The following RSBN1 variants were observed in gnomAD, a reference collection of about 807,000 sequenced individuals.
RSBN1 encodes round spermatid basic protein 1.
Under a neutral mutation model 74.8 loss-of-function variants are expected in RSBN1, and 23 were observed. That is an observed-to-expected ratio of 0.31 (90% CI 0.22 to 0.44). RSBN1 has a LOEUF of 0.44. Among genes scored for constraint, RSBN1 ranks in the 20% least tolerant of loss-of-function variants. RSBN1 has a pLI of 1.00. For missense variants in RSBN1, 808 were observed against 1,020.9 expected (o/e 0.79, Z 2.84); for synonymous variants, 407 against 379.6 (o/e 1.07, Z -0.84).
chr1:113,769,856 G>T (rs1364097780), intron 4 of RSBN1, among the ~76,000 whole-genome samples: 1 of 152,092 alleles, frequency 6.6e-6, no homozygotes, highest in Admixed American at 6.6e-5. Flanking sequence ...TGAGAAAAGG[G>T]GAATTAAAGT....
chr1:113,795,732 T>C (rs1234111411), intron 2 of RSBN1, among the ~76,000 whole-genome samples: 1 of 152,240 alleles, frequency 6.6e-6, no homozygotes, highest in Non-Finnish European at 1.5e-5. Context: ...CAGCTCCATT[T>C]TAAAAAATTA....
chr1:113,788,288 A>G (rs12094790), intron 2 of RSBN1, among the ~76,000 whole-genome samples: 1,727 of 152,216 alleles, frequency 0.011, 35 homozygotes, highest in African/African-American at 0.039. Context: ...ATAACTGAGA[A>G]AGAAAATTAA....
intron 2 of RSBN1, among the ~76,000 whole-genome samples, chr1:113,780,331 C>CT (rs1557997661): frequency 6.6e-6 from 1 of 152,190 alleles, no homozygotes; most frequent in Non-Finnish European, 1.5e-5. Context: ...ATTCATACTA[C>CT]TTTAAATTTT....
At chr1:113,805,914 G>A (rs1047907922) in intron 1 of RSBN1, among the ~76,000 whole-genome samples, 2 of 152,184 alleles carry the variant, frequency 1.3e-5, no homozygotes, top group Admixed American at 6.5e-5. Context: ...TTCTGCTACT[G>A]TAGTGCAAAA....
At chr1:113,771,314 T>C (rs1175184734) in intron 4 of RSBN1, among the ~76,000 whole-genome samples, 1 of 152,066 alleles carries the variant, frequency 6.6e-6, no homozygotes, top group Non-Finnish European at 1.5e-5. Context: ...TTCAGACATA[T>C]AATAACTCAG....
In RSBN1 at chr1:113,791,706, A is replaced by G. The variant is rs1660366982; in HGVS notation, c.1377+5657T>C. 2.0e-5 allele frequency among the ~76,000 whole-genome samples: 3 copies of G among 152,166 alleles called. No homozygotes were observed. The South Asian group carries it at 6.2e-4, about 32-fold the overall frequency. On this transcript the variant is annotated intron_variant, in intron 2 of 6. Coordinates refer to ENST00000261441, the MANE Select transcript of RSBN1 (RefSeq NM_018364.5). ...GACTGGGTCAAAGTGAGTACTTAAA[A>G]TAAGAGGAAAAAAAAAAGAATCAAG...
intron 4 of RSBN1, among the ~76,000 whole-genome samples, chr1:113,773,582 T>G (rs1659922043): frequency 6.6e-6 from 1 of 152,194 alleles, no homozygotes; most frequent in Admixed American, 6.5e-5. Flanking sequence ...TCAATATAGT[T>G]TAAAATGTTA....
intron 1 of RSBN1, among the ~76,000 whole-genome samples, chr1:113,803,464 T>C (rs1010940710): frequency 1.3e-5 from 2 of 152,222 alleles, no homozygotes; most frequent in Non-Finnish European, 2.9e-5. Context: ...CCAACAATAA[T>C]GAATGAGATA....
chr1:113,777,850 C>T (rs1660061158), intron 2 of RSBN1, 42 bp from the exon 3 acceptor site: 2 of 1,468,688 alleles, frequency 1.4e-6, no homozygotes, highest in Admixed American at 2.3e-5. Flanking sequence ...TGAGGTACAA[C>T]TATAATATAA....
intron 1 of RSBN1, among the ~76,000 whole-genome samples, chr1:113,799,331 T>C (rs1396429304): frequency 6.6e-6 from 1 of 152,074 alleles, no homozygotes; most frequent in Non-Finnish European, 1.5e-5. Context: ...GTGTGACCCA[T>C]GGTGCCTGGC....
At chr1:113,771,205 C>T (rs1659879665) in intron 4 of RSBN1, among the ~76,000 whole-genome samples, 1 of 152,032 alleles carries the variant, frequency 6.6e-6, no homozygotes, top group Non-Finnish European at 1.5e-5. Context: ...ATATTAGATG[C>T]CAGAAGACAA....
intron 1 of RSBN1, among the ~76,000 whole-genome samples, chr1:113,811,084 G>C (rs765444404): frequency 3.3e-5 from 5 of 152,132 alleles, no homozygotes; most frequent in Non-Finnish European, 5.9e-5. Context: ...GGCACTGTTG[G>C]TCCTATTTCC....
At chr1:113,806,060 T>C (rs1273019851) in intron 1 of RSBN1, among the ~76,000 whole-genome samples, 1 of 152,202 alleles carries the variant, frequency 6.6e-6, no homozygotes, top group Non-Finnish European at 1.5e-5. Context: ...AAAACCATTG[T>C]TAGGCCAGGC....
intron 1 of RSBN1, among the ~76,000 whole-genome samples, chr1:113,801,081 G>A (rs1462417510): frequency 6.6e-6 from 1 of 151,690 alleles, no homozygotes. Context: ...CCAGGTTCCA[G>A]AGAGTCTCCT....
At chr1:113,810,048 G>T (rs972525840) in intron 1 of RSBN1, among the ~76,000 whole-genome samples, 4 of 152,022 alleles carry the variant, frequency 2.6e-5, no homozygotes, top group Non-Finnish European at 4.4e-5. Context: ...CATAAAACGG[G>T]GCCAGGTCAG....
chr1:113,767,059 C>G (rs1305753312), intron 6 of RSBN1, 40 bp downstream of exon 6: 2 of 1,147,062 alleles, frequency 1.7e-6, no homozygotes, highest in Non-Finnish European at 2.5e-6. Context: ...TAGATATTTA[C>G]TTCTAATATC....
chr1:113,792,754 T>A (rs1413490688), intron 2 of RSBN1, among the ~76,000 whole-genome samples: 2 of 151,816 alleles, frequency 1.3e-5, no homozygotes, highest in Non-Finnish European at 2.9e-5. Flanking sequence ...TGATCACACT[T>A]CATGATCACA....
At position 113,766,147 on chromosome 1, in the gene RSBN1, T is replaced by C; in HGVS notation, c.2242A>G (p.Thr748Ala). Reference sequence around the variant, plus strand: ...GCAGTTGTTAACAGCTGAATCTCTGTGCATGCTTCTTCAGATTCAGTTTTT... The same window carrying C: ...GCAGTTGTTAACAGCTGAATCTCTGCGCATGCTTCTTCAGATTCAGTTTTT... ...RIKTESEEACTEIQLLTTASS... is the reference protein window; with the variant it reads ...RIKTESEEACAEIQLLTTASS... The change falls in exon 7 of 7, where the codon ACA becomes GCA. Residue 748 changes from threonine (T) to alanine (A), a missense_variant. By Grantham distance (58) the Thr-to-Ala change is moderately conservative. Coordinates refer to ENST00000261441, the MANE Select transcript of RSBN1 (RefSeq NM_018364.5). The C allele has an allele frequency of 6.2e-7, 1 of 1,614,092 alleles. No individual in the cohort carries two copies. The highest frequency in any genetic ancestry group is 1.1e-5 in the South Asian group (1 of 91,084).
chr1:113,809,694 G>T lies in RSBN1; in HGVS notation c.703+2016C>A, dbSNP rs1571314392. On this transcript the variant is annotated intron_variant, in intron 1 of 6. Coordinates refer to ENST00000261441, the MANE Select transcript of RSBN1 (RefSeq NM_018364.5). ...AGCCAAAAGTTAAAATGTTTAAATG[G>T]GCTTATCTTAACCCACTTCTCTTCT... 2.0e-5 allele frequency among the ~76,000 whole-genome samples: 3 copies of T among 152,140 alleles called. No individual in the cohort carries two copies. In the East Asian group the frequency reaches 5.8e-4, roughly 29 times the overall value.
Sources: allele counts gnomAD v4.1 joint callset (sites outside exome capture counted in the v4.1 genomes callset), GRCh38; gene constraint gnomAD v4.1.1; transcripts MANE v1.5; gene names NCBI Gene and HGNC (gene_info 2026-07-23, HGNC 2026-07-21).